CHN1: variants seen among roughly 807,000 people sequenced by gnomAD.
CHN1 encodes the protein N-chimaerin.
A neutral mutation model predicts 59.5 loss-of-function variants in CHN1; 37 were observed. That is an observed-to-expected ratio of 0.62 (90% CI 0.48 to 0.82). The LOEUF (loss-of-function observed/expected upper bound fraction) is 0.82. CHN1 is among the 40% of genes least tolerant of loss of function. The pLI, the probability that CHN1 is intolerant of heterozygous loss-of-function variation, is 0.00. For synonymous variants in CHN1, 206 were observed against 200.4 expected (o/e 1.03, Z -0.24); for missense variants, 469 against 571.0 (o/e 0.82, Z 1.82).
At chr2:174,874,756 C>T (rs1323380223) in intron 6 of CHN1, among the ~76,000 whole-genome samples, 1 of 151,824 alleles carries the variant, frequency 6.6e-6, no homozygotes, top group East Asian at 1.9e-4. Context: ...TTAATAATGG[C>T]AGGGTGATCA....
intron 3 of CHN1, among the ~76,000 whole-genome samples, chr2:174,929,347 G>A (rs1415967678): frequency 6.6e-6 from 1 of 152,174 alleles, no homozygotes; most frequent in African/African-American, 2.4e-5. Flanking sequence ...GGAGGCCAAG[G>A]TGGGCGGATC....
At position 174,877,841 on chromosome 2, in the gene CHN1, CT is replaced by C; in HGVS notation, c.547del (p.Arg183GlyfsTer2). 1 of 1,610,272 alleles carries C rather than the reference CT, an allele frequency of 6.2e-7. No homozygotes were observed. The highest frequency in any genetic ancestry group is 8.5e-7 in the Non-Finnish European group (1 of 1,177,792). On this transcript the variant is annotated frameshift_variant and splice_region_variant, in exon 6 of 13. Transcript: ENST00000409900. LOFTEE classifies it high-confidence loss of function. ...STGQDGVSEK[R>X]LTSLVRRATL... ...AAGTGTGGTTTCATAGTAGCTTACC[CT>C]TTTCTCTGACACCCCATCCTGGCCT...
At chr2:174,895,853 C>T (rs888938508) in intron 5 of CHN1, among the ~76,000 whole-genome samples, 2 of 152,074 alleles carry the variant, frequency 1.3e-5, no homozygotes, top group African/African-American at 4.8e-5. Flanking sequence ...AAACTGTTCA[C>T]AGAGAGTTGA....
chr2:174,967,888 T>C (rs1453351851), intron 1 of CHN1, among the ~76,000 whole-genome samples: 1 of 152,246 alleles, frequency 6.6e-6, no homozygotes, highest in African/African-American at 2.4e-5. Flanking sequence ...AGCACTGACC[T>C]ACTTGGATTC....
intron 6 of CHN1, among the ~76,000 whole-genome samples, chr2:174,848,421 C>T (rs958087631): frequency 6.6e-6 from 1 of 152,122 alleles, no homozygotes; most frequent in African/African-American, 2.4e-5. Flanking sequence ...CACTAAGGTG[C>T]TACAGGATGC....
intron 5 of CHN1, among the ~76,000 whole-genome samples, chr2:174,893,329 G>A (rs1688112156): frequency 6.6e-6 from 1 of 151,948 alleles, no homozygotes; most frequent in Non-Finnish European, 1.5e-5. Context: ...TAGTAACAAT[G>A]AACAATCCGA....
chr2:174,987,469 G>A (rs111736345), intron 1 of CHN1, among the ~76,000 whole-genome samples: 4 of 150,574 alleles, frequency 2.7e-5, no homozygotes, highest in African/African-American at 4.9e-5. Context: ...GTACAGTGGC[G>A]CAATCTCGGC....
intron 4 of CHN1, among the ~76,000 whole-genome samples, chr2:174,917,204 G>A (rs903494775): frequency 6.6e-6 from 1 of 152,112 alleles, no homozygotes; most frequent in Non-Finnish European, 1.5e-5. Flanking sequence ...AAGCTGAGAC[G>A]GGTGGATCAC....
chr2:174,846,772 C>G (rs1417380357), intron 7 of CHN1, 108 bp downstream of exon 7: 4 of 1,117,742 alleles, frequency 3.6e-6, no homozygotes, highest in Non-Finnish European at 4.9e-6. Flanking sequence ...ATAGCAAGAA[C>G]ATTTTAGTCA....
intron 6 of CHN1, among the ~76,000 whole-genome samples, chr2:174,865,633 A>G (rs1687194033): frequency 6.6e-6 from 1 of 152,216 alleles, no homozygotes; most frequent in Admixed American, 6.5e-5. Context: ...AAGCTTTACA[A>G]TCCTTAGAAA....
chr2:174,804,496 CTG>C (rs1236683394), intron 11 of CHN1, among the ~76,000 whole-genome samples: 6 of 152,138 alleles, frequency 3.9e-5, no homozygotes, highest in African/African-American at 1.2e-4. Context: ...GGAAAACAGA[CTG>C]TGGAAGGCAA....
In CHN1 at chr2:174,819,131, T is replaced by C. The variant is rs940438571; in HGVS notation, c.712+5303A>G. On this transcript the variant is annotated intron_variant, in intron 8 of 12. Coordinates refer to ENST00000409900, the MANE Select transcript of CHN1 (RefSeq NM_001822.7). ...GTTCTTTGGAATATTGATGAAAATA[T>C]TGTTTCCAACTAAAAGGGGCTCCAT... Among the ~76,000 whole-genome samples, 4 of 152,206 alleles carry C rather than the reference T, an allele frequency of 2.6e-5. No individual in the cohort carries two copies. The South Asian group carries it at 8.3e-4, about 31-fold the overall frequency.
intron 6 of CHN1, 165 bp from the exon 7 acceptor site, chr2:174,847,122 T>C: frequency 4.5e-6 from 7 of 1,548,868 alleles, no homozygotes; most frequent in Non-Finnish European, 6.1e-6. Flanking sequence ...CAAGACTCTT[T>C]GGATGGCATT....
At chr2:174,800,758 G>A (rs1684695150) in intron 12 of CHN1, among the ~76,000 whole-genome samples, 3 of 151,216 alleles carry the variant, frequency 2.0e-5, no homozygotes, top group South Asian at 2.1e-4. Flanking sequence ...AGGCACCATC[G>A]TCAGGGAGGG....
intron 6 of CHN1, among the ~76,000 whole-genome samples, chr2:174,869,286 C>A (rs1687327134): frequency 6.6e-6 from 1 of 152,176 alleles, no homozygotes; most frequent in African/African-American, 2.4e-5. Flanking sequence ...AATTCCTTTG[C>A]TGCTCATATT....
intron 3 of CHN1, among the ~76,000 whole-genome samples, chr2:174,928,102 T>C (rs1689228568): frequency 6.6e-6 from 1 of 152,180 alleles, no homozygotes; most frequent in South Asian, 2.1e-4. Flanking sequence ...TATTCCGAAT[T>C]AAAGGCTAGT....
chr2:174,944,093 T>A (rs567796016), intron 3 of CHN1, among the ~76,000 whole-genome samples: 58 of 152,218 alleles, frequency 3.8e-4, no homozygotes, highest in Non-Finnish European at 8.1e-4. Context: ...TCTATTCTAT[T>A]CAATCAGTCT....
At chr2:174,932,525 A>C (rs1488790171) in intron 3 of CHN1, among the ~76,000 whole-genome samples, 1 of 152,190 alleles carries the variant, frequency 6.6e-6, no homozygotes, top group Non-Finnish European at 1.5e-5. Context: ...CACAGTTTCC[A>C]CAGTTCATCC....
chr2:174,959,789 C>A (rs187079196), intron 1 of CHN1, among the ~76,000 whole-genome samples: 133 of 152,244 alleles, frequency 8.7e-4, no homozygotes, highest in African/African-American at 3.0e-3. Context: ...TGTCTCTGAC[C>A]TCAGCCTCCC....
Sources: allele counts gnomAD v4.1 joint callset (sites outside exome capture counted in the v4.1 genomes callset), GRCh38; gene constraint gnomAD v4.1.1; transcripts MANE v1.5; gene names NCBI Gene and HGNC (gene_info 2026-07-23, HGNC 2026-07-21).